ANO2: variants seen among roughly 807,000 people sequenced by gnomAD.
ANO2 encodes anoctamin-2.
A neutral mutation model predicts 124.2 loss-of-function variants in ANO2; 101 were observed. The observed-to-expected ratio is 0.81, with a 90% CI of 0.69 to 0.96. The LOEUF (loss-of-function observed/expected upper bound fraction) is 0.96, where lower values mean the gene tolerates loss of function less well. ANO2 is among the 40% of genes least tolerant of loss of function. The pLI is 0.00. For synonymous variants in ANO2, 486 were observed against 482.5 expected (o/e 1.01, Z -0.09); for missense variants, 1,293 against 1,274.5 (o/e 1.01, Z -0.22).
In ANO2 at chr12:5,922,626, G is replaced by C. The variant is rs1402627154; in HGVS notation, c.201C>G (p.Ser67Arg). ...GQPCGGESTR[S>R]SSVINNYLDA... ...ACCCCCGCCCAGTACTCACAGAGCT[G>C]CTGCGGGTGCTCTCTCCACCGCAGG... The change falls in exon 2 of 25, where the codon AGC (serine) becomes AGG (arginine). Residue 67 changes from serine to arginine, a missense_variant. Transcript: ENST00000682330. 1 of 1,537,006 alleles carries C rather than the reference G, an allele frequency of 6.5e-7. No individual in the cohort carries two copies. Among genetic ancestry groups the C allele is most frequent in the Admixed American group, 2.0e-5 (1 of 50,808 alleles).
At chr12:5,916,329 G>A (rs116096492) in intron 3 of ANO2, among the ~76,000 whole-genome samples, 2,080 of 150,324 alleles carry the variant, frequency 0.014, 47 homozygotes, top group African/African-American at 0.046. Context: ...GAACGTGAAT[G>A]GATCTGAAAA....
At chr12:5,607,629 T>C (rs1429345543) in intron 19 of ANO2, among the ~76,000 whole-genome samples, 2 of 152,080 alleles carry the variant, frequency 1.3e-5, no homozygotes. Context: ...TGAGTGAAGC[T>C]TCATCTGTAT....
intron 3 of ANO2, among the ~76,000 whole-genome samples, chr12:5,897,977 T>C (rs1028161675): frequency 6.6e-6 from 1 of 151,948 alleles, no homozygotes; most frequent in Non-Finnish European, 1.5e-5. Flanking sequence ...AAGAAGATAT[T>C]TGCAAAATAT....
intron 10 of ANO2, among the ~76,000 whole-genome samples, chr12:5,756,764 T>C (rs1264678424): frequency 3.3e-5 from 5 of 152,228 alleles, no homozygotes; most frequent in Non-Finnish European, 7.3e-5. Context: ...GAGATCTGCA[T>C]GAGAGTAGGG....
intron 15 of ANO2, among the ~76,000 whole-genome samples, chr12:5,645,616 T>C (rs1240431122): frequency 3.3e-5 from 5 of 152,246 alleles, no homozygotes; most frequent in Non-Finnish European, 7.3e-5. Context: ...GTGTATATTT[T>C]TAAGGTTGCT....
Position 5,900,213 on chromosome 12 carries a change from G to A in ANO2, c.534+20827C>T, listed in dbSNP as rs752830346. On this transcript the variant is annotated intron_variant, in intron 3 of 24. Coordinates refer to ENST00000682330, the MANE Select transcript of ANO2 (RefSeq NM_001364791.2). This position sits in a 1 kb window ranked among gnomAD's most constrained non-coding sequence, Gnocchi z 4.2. ...TCACGGACAACCAAGAGCCCTGAGA[G>A]GATGGAGAGGCACCACTATGCCCAG... is the stretch of plus-strand genomic sequence containing the variant. 6.6e-6 allele frequency among the ~76,000 whole-genome samples: 1 copy of A among 152,114 alleles called. No homozygotes were observed. The highest frequency in any genetic ancestry group is 1.5e-5 in the Non-Finnish European group (1 of 68,028).
At chr12:5,621,275 T>C (rs1013702315) in intron 16 of ANO2, among the ~76,000 whole-genome samples, 4 of 152,174 alleles carry the variant, frequency 2.6e-5, no homozygotes, top group Non-Finnish European at 4.4e-5. Context: ...TGAACATGCA[T>C]TGAATAAATG....
chr12:5,856,628 C>T (rs1051226981), intron 3 of ANO2: 3 of 152,172 alleles, frequency 2.0e-5, no homozygotes, highest in South Asian at 2.1e-4. Context: ...CCCCTTAACC[C>T]GCTGCCTGGA....
At chr12:5,930,318 A>G (rs1412793711) in intron 1 of ANO2, among the ~76,000 whole-genome samples, 1 of 152,212 alleles carries the variant, frequency 6.6e-6, no homozygotes, top group Non-Finnish European at 1.5e-5. Flanking sequence ...TACTGCACGT[A>G]TATCATCCCC....
chr12:5,759,762 G>A (rs1019471413), intron 10 of ANO2, among the ~76,000 whole-genome samples: 4 of 151,510 alleles, frequency 2.6e-5, no homozygotes, highest in Non-Finnish European at 5.9e-5. Context: ...GCGGACTGCT[G>A]CCTTAAAGTA....
intron 19 of ANO2, among the ~76,000 whole-genome samples, chr12:5,607,122 A>G (rs1161619709): frequency 6.6e-6 from 1 of 152,014 alleles, no homozygotes; most frequent in Non-Finnish European, 1.5e-5. Context: ...TTGGGGAAAG[A>G]ATTCCATGTA....
rs150259297 is a variant in ANO2, at chr12:5,798,706, C to T, written c.1055+801G>A. ...AGCTCAGCCTCCCAAGTTAGGACAA[C>T]CAGGACCCTGAAGATCAAAGAGGAA... On this transcript the variant is annotated intron_variant, in intron 10 of 24. Coordinates refer to ENST00000682330, the MANE Select transcript of ANO2 (RefSeq NM_001364791.2). Among the ~76,000 whole-genome samples, 170 of 152,320 alleles carry T rather than the reference C, an allele frequency of 1.1e-3. 3 individuals are homozygous for T. In the East Asian group the frequency reaches 0.029, roughly 26 times the overall value.
chr12:5,890,744 C>T (rs949375585), intron 3 of ANO2, among the ~76,000 whole-genome samples: 16 of 152,216 alleles, frequency 1.1e-4, no homozygotes, highest in African/African-American at 3.9e-4. Context: ...TTCATGTTTA[C>T]TGATGGATAA....
intron 4 of ANO2, among the ~76,000 whole-genome samples, chr12:5,847,746 A>T (rs1954727960): frequency 6.6e-6 from 1 of 152,222 alleles, no homozygotes; most frequent in South Asian, 2.1e-4. Context: ...AGGGCCACTG[A>T]AGCTAACTAA....
intron 1 of ANO2, among the ~76,000 whole-genome samples, chr12:5,926,813 T>C (rs1220095257): frequency 6.6e-6 from 1 of 152,220 alleles, no homozygotes; most frequent in East Asian, 1.9e-4. Context: ...ACCCATGTGA[T>C]GTTGCCGGAG....
At chr12:5,733,981 G>T (rs1023432199) in intron 13 of ANO2, among the ~76,000 whole-genome samples, 1 of 152,198 alleles carries the variant, frequency 6.6e-6, no homozygotes, top group South Asian at 2.1e-4. Flanking sequence ...GTTTTGCACA[G>T]TACTTGGCAC....
chr12:5,664,058 T>C (rs1343852980), intron 14 of ANO2, among the ~76,000 whole-genome samples: 1 of 152,246 alleles, frequency 6.6e-6, no homozygotes, highest in Non-Finnish European at 1.5e-5. Context: ...CTAAATTTTC[T>C]GTCTTTGGAA....
chr12:5,760,194 T>C (rs1353597136), intron 10 of ANO2, among the ~76,000 whole-genome samples: 1 of 152,220 alleles, frequency 6.6e-6, no homozygotes, highest in Non-Finnish European at 1.5e-5. Flanking sequence ...AAAACAAAAT[T>C]TACCAATTCA....
intron 14 of ANO2, among the ~76,000 whole-genome samples, chr12:5,667,698 T>C (rs557359418): frequency 5.3e-5 from 8 of 152,144 alleles, no homozygotes; most frequent in Non-Finnish European, 8.8e-5. Flanking sequence ...ATGCTCTCCC[T>C]ACCCCCTTCC....
Sources: gnomAD v4.1 joint callset for allele counts (sites outside exome capture counted in the v4.1 genomes callset) on GRCh38, gnomAD v4.1.1 for gene constraint, Gnocchi (gnomAD v3.1) non-coding constraint, MANE v1.5 for transcripts, NCBI Gene and HGNC (gene_info 2026-07-23, HGNC 2026-07-21) for gene names.